Variants in LRRTM4 observed in about 807,000 individuals in gnomAD.
LRRTM4 encodes leucine-rich repeat transmembrane neuronal protein 4.
LRRTM4 carries 25 observed loss-of-function variants against 47.6 expected under a neutral mutation model. The observed-to-expected ratio is 0.53, with a 90% CI of 0.38 to 0.73. The LOEUF is 0.73. LRRTM4 is among the 30% of genes least tolerant of loss of function. The pLI is 0.00. For synonymous variants in LRRTM4, 311 were observed against 269.5 expected, an observed-to-expected ratio of 1.15 and a Z score of -1.51; for missense variants, 638 against 713.4, an observed-to-expected ratio of 0.89 and a Z score of 1.20.
intron 3 of LRRTM4, among the ~76,000 whole-genome samples, chr2:77,486,812 G>C (rs565758309): frequency 2.0e-5 from 3 of 152,208 alleles, no homozygotes; most frequent in East Asian, 3.9e-4. Context: ...CTTTTTGTAC[G>C]TAAGGATGAT....
At chr2:77,517,180 G>T (rs561410216) in intron 3 of LRRTM4, 1 of 984,804 alleles carries the variant, frequency 1.0e-6, no homozygotes, top group African/African-American at 1.7e-5. Flanking sequence ...TGAAATTTGT[G>T]ACTATTTGTC....
At chr2:77,466,804 T>C (rs1018427882) in intron 3 of LRRTM4, among the ~76,000 whole-genome samples, 1 of 151,690 alleles carries the variant, frequency 6.6e-6, no homozygotes, top group Admixed American at 6.6e-5. Context: ...GTTAAATTGA[T>C]TCTCCTGCCT....
chr2:77,255,380 G>A (rs1234814937), intron 3 of LRRTM4, among the ~76,000 whole-genome samples: 1 of 151,892 alleles, frequency 6.6e-6, no homozygotes, highest in Non-Finnish European at 1.5e-5. Context: ...AGTTCAGCAA[G>A]TATATATAAG....
intron 3 of LRRTM4, among the ~76,000 whole-genome samples, chr2:77,158,575 T>A (rs568035504): frequency 6.6e-6 from 1 of 152,268 alleles, no homozygotes; most frequent in Admixed American, 6.5e-5. Flanking sequence ...TGTTTTACAT[T>A]TATCTTACAA....
chr2:77,048,983 T>C lies in LRRTM4; in HGVS notation c.1552-300067A>G, dbSNP rs2103764230. On this transcript the variant is annotated intron_variant, in intron 3 of 3. Coordinates refer to ENST00000409884, the MANE Select transcript of LRRTM4 (RefSeq NM_001134745.3). ...TACTCTCTATTAGTAGAAAATCAGC[T>C]TTTTAGTTTCCACATACTAGTGAGA... Among the ~76,000 whole-genome samples, 3 of 151,548 alleles carry C rather than the reference T, an allele frequency of 2.0e-5. 1 individual carries two copies. The highest frequency in any genetic ancestry group is 3.4e-3 in the Middle Eastern group (1 of 292).
chr2:76,792,050 T>C (rs1287943149), intron 3 of LRRTM4, among the ~76,000 whole-genome samples: 1 of 152,142 alleles, frequency 6.6e-6, no homozygotes. Context: ...CTCTTATTTA[T>C]CTAAGCATGC....
intron 3 of LRRTM4, among the ~76,000 whole-genome samples, chr2:76,858,278 A>C (rs1362783581): frequency 4.6e-5 from 7 of 152,316 alleles, no homozygotes; most frequent in Admixed American, 4.6e-4. Context: ...CTGAAAAAAC[A>C]AAAAGGCTGA....
At chr2:77,264,484 TG>T (rs780001124) in intron 3 of LRRTM4, among the ~76,000 whole-genome samples, 2 of 152,096 alleles carry the variant, frequency 1.3e-5, no homozygotes, top group African/African-American at 2.4e-5. Context: ...ACAGCCATAC[TG>T]GGGGTTAGGG....
intron 3 of LRRTM4, among the ~76,000 whole-genome samples, chr2:76,768,651 C>A (rs765460548): frequency 6.6e-6 from 1 of 152,020 alleles, no homozygotes; most frequent in Non-Finnish European, 1.5e-5. Flanking sequence ...TCAAAGAGCT[C>A]TTCTATTTTT....
At chr2:76,819,004 T>C (rs1164828988) in intron 3 of LRRTM4, among the ~76,000 whole-genome samples, 2 of 151,770 alleles carry the variant, frequency 1.3e-5, no homozygotes, top group Admixed American at 6.6e-5. Flanking sequence ...CGACATGGTA[T>C]GGAACAAAGA....
Position 77,058,685 on chromosome 2 carries a change from T to A in LRRTM4, c.1552-309769A>T, listed in dbSNP as rs1679687976. 2.0e-5 allele frequency among the ~76,000 whole-genome samples: 3 copies of A among 152,148 alleles called. No individual in the cohort carries two copies. In the South Asian group the frequency reaches 6.2e-4, roughly 31 times the overall value. ...AAAACCAGAACATATATTATTACAA[T>A]AAATTTTAAATAGTTAAAACACACT... is the stretch of plus-strand genomic sequence containing the variant. On this transcript the variant is annotated intron_variant, in intron 3 of 3. Coordinates refer to ENST00000409884, the MANE Select transcript of LRRTM4 (RefSeq NM_001134745.3).
At chr2:77,376,134 C>G (rs544741620) in intron 3 of LRRTM4, among the ~76,000 whole-genome samples, 2 of 151,792 alleles carry the variant, frequency 1.3e-5, no homozygotes, top group Non-Finnish European at 2.9e-5. Context: ...ATAGCTCTAC[C>G]TATTGTGTTA....
chr2:76,973,232 A>G (rs1676283385), intron 3 of LRRTM4, among the ~76,000 whole-genome samples: 1 of 152,038 alleles, frequency 6.6e-6, no homozygotes, highest in African/African-American at 2.4e-5. Flanking sequence ...TATGATATCT[A>G]TCTTGAAAGC....
At chr2:76,951,492 C>CT (rs544457577) in intron 3 of LRRTM4, among the ~76,000 whole-genome samples, 1 of 151,780 alleles carries the variant, frequency 6.6e-6, no homozygotes, top group Non-Finnish European at 1.5e-5. Context: ...TGGACCACAT[C>CT]TTTTTTTTGT....
intron 3 of LRRTM4, among the ~76,000 whole-genome samples, chr2:76,839,259 A>G (rs530894210): frequency 1.9e-4 from 29 of 152,250 alleles, no homozygotes; most frequent in Middle Eastern, 3.4e-3. Context: ...CTCAAATGAC[A>G]ATTTCTGAAA....
chr2:77,147,535 T>C (rs1355011428), intron 3 of LRRTM4, among the ~76,000 whole-genome samples: 5 of 152,206 alleles, frequency 3.3e-5, no homozygotes, highest in African/African-American at 1.2e-4. Flanking sequence ...AACTTGGGTT[T>C]GCATTTTCAT....
At chr2:77,008,156 C>CA (rs998043768) in intron 3 of LRRTM4, among the ~76,000 whole-genome samples, 6 of 152,076 alleles carry the variant, frequency 3.9e-5, no homozygotes, top group Non-Finnish European at 8.8e-5. Context: ...GTAAAAACTT[C>CA]AAATGTTGTG....
intron 3 of LRRTM4, among the ~76,000 whole-genome samples, chr2:77,366,821 C>A (rs1452333692): frequency 2.0e-5 from 3 of 151,996 alleles, no homozygotes; most frequent in African/African-American, 4.8e-5. Context: ...TCTATCTTCA[C>A]AACATCCTGG....
At chr2:76,867,315 G>A (rs996547130) in intron 3 of LRRTM4, among the ~76,000 whole-genome samples, 3 of 152,100 alleles carry the variant, frequency 2.0e-5, no homozygotes, top group Admixed American at 2.0e-4. Context: ...GTTTCTTTGA[G>A]GCTTTACAAC....
Sources: gnomAD v4.1 joint callset for allele counts (sites outside exome capture counted in the v4.1 genomes callset) on GRCh38, gnomAD v4.1.1 for gene constraint, MANE v1.5 for transcripts, NCBI Gene and HGNC (gene_info 2026-07-23, HGNC 2026-07-21) for gene names.